RMDN1: variants seen among roughly 807,000 people sequenced by gnomAD.
RMDN1 encodes regulator of microtubule dynamics 1.
In RMDN1, 48 loss-of-function variants were observed where a neutral mutation model predicts 48.9. That is an observed-to-expected ratio of 0.98 (90% CI 0.78 to 1.25). The LOEUF (loss-of-function observed/expected upper bound fraction) is 1.25, where lower values mean the gene tolerates loss of function less well. Ranked by LOEUF, RMDN1 falls within the 50% of genes most tolerant of loss-of-function variation. The pLI, the probability that RMDN1 is intolerant of heterozygous loss-of-function variation, is 0.00. For synonymous variants in RMDN1, 148 were observed against 132.6 expected, an observed-to-expected ratio of 1.12 and a Z score of -0.80; for missense variants, 418 against 373.4, an observed-to-expected ratio of 1.12 and a Z score of -0.98.
chr8:86,477,901 A>G (rs909686592), intron 7 of RMDN1, among the ~76,000 whole-genome samples: 2 of 151,996 alleles, frequency 1.3e-5, no homozygotes, highest in Admixed American at 6.6e-5. Context: ...AAAAAAAAAA[A>G]AAAAGAACCA....
chr8:86,504,600 T>C (rs975996882), intron 2 of RMDN1: 1 of 984,884 alleles, frequency 1.0e-6, no homozygotes, highest in East Asian at 2.4e-5. Context: ...TGATAGGCCT[T>C]GGAGGGATGG....
chr8:86,493,608 A>G (rs572286065), intron 2 of RMDN1, among the ~76,000 whole-genome samples: 1 of 152,332 alleles, frequency 6.6e-6, no homozygotes, highest in East Asian at 1.9e-4. Context: ...AAAGACAAAT[A>G]TAGGTTGAAC....
upstream of RMDN1, among the ~76,000 whole-genome samples, chr8:86,511,399 A>G (rs150125188): frequency 0.018 from 2,670 of 151,980 alleles, 84 homozygotes; most frequent in African/African-American, 0.061. Context: ...GCGTGAACCC[A>G]GGAAGTGGAG....
At chr8:86,489,304 TAATTTATATATGACTACAAAATACATA>T (rs1201434125) in intron 2 of RMDN1, among the ~76,000 whole-genome samples, 1 of 152,228 alleles carries the variant, frequency 6.6e-6, no homozygotes, top group Non-Finnish European at 1.5e-5. Context: ...CTCTTAAAAC[TAATTTATATATGACTACAAAATACATA>T]AACATTATTG....
chr8:86,495,710 C>G (rs1383212842), intron 2 of RMDN1, among the ~76,000 whole-genome samples: 4 of 152,140 alleles, frequency 2.6e-5, no homozygotes, highest in African/African-American at 9.7e-5. Flanking sequence ...ACTTTTGAAG[C>G]TGGACCCCCA....
intron 5 of RMDN1, chr8:86,482,463 A>G (rs1274676448): frequency 1.8e-6 from 1 of 543,392 alleles, no homozygotes; most frequent in Non-Finnish European, 3.4e-6. Flanking sequence ...GCAATGCCAT[A>G]TATTATTAGA....
intron 2 of RMDN1, among the ~76,000 whole-genome samples, chr8:86,502,272 C>T (rs1041345708): frequency 3.3e-5 from 5 of 151,952 alleles, no homozygotes; most frequent in South Asian, 2.1e-4. Context: ...GGTCTTGCTC[C>T]GTTGCCTAGG....
At chr8:86,499,501 A>G (rs551350906) in intron 2 of RMDN1, among the ~76,000 whole-genome samples, 1 of 152,326 alleles carries the variant, frequency 6.6e-6, no homozygotes, top group South Asian at 2.1e-4. Context: ...TTAGGAATAC[A>G]GTTAGATGTT....
chr8:86,500,444 C>T (rs1367083019), intron 2 of RMDN1, among the ~76,000 whole-genome samples: 1 of 151,676 alleles, frequency 6.6e-6, no homozygotes, highest in Admixed American at 6.6e-5. Context: ...ATCACTATCA[C>T]CACAGAAATG....
At chr8:86,503,371 C>CAAAAAAAAAAAAA (rs1182231210) in intron 2 of RMDN1, among the ~76,000 whole-genome samples, 6 of 67,988 alleles carry the variant, frequency 8.8e-5, no homozygotes, top group Non-Finnish European at 1.3e-4. Context: ...CAAAACAAAA[C>CAAAAAAAAAAAAA]AAAAAAAAAA....
chr8:86,478,992 T>A lies in RMDN1; in HGVS notation c.660A>T (p.Glu220Asp). The change falls in exon 7 of 10, where the codon GAA becomes GAT. Residue 220 changes from glutamate to aspartate, a missense_variant. Physicochemically the swap from Glu to Asp is conservative, Grantham distance 45. Transcript: ENST00000406452. ...LMGIWCYTFA[E>D]MPWYQRRIAK... ...CAATTCTTCTTTGATACCAAGGCAT[T>A]TCGGCAAATGTATAGCACCTACAGG... is the stretch of plus-strand genomic sequence containing the variant. 6.2e-7 allele frequency: 1 copy of A among 1,613,788 alleles called. No homozygotes were observed. Among genetic ancestry groups the A allele is most frequent in the Non-Finnish European group, 8.5e-7 (1 of 1,179,720 alleles).
At chr8:86,468,413 A>G (rs1277518040), downstream of RMDN1, 6 of 449,148 alleles carry the variant, frequency 1.3e-5, no homozygotes, top group East Asian at 3.5e-4. Flanking sequence ...ACACTCTGGT[A>G]ATTTTCAAGC....
Position 86,487,500 on chromosome 8 carries a change from A to G in RMDN1, c.336-857T>C, listed in dbSNP as rs1004582513. 3.3e-5 allele frequency among the ~76,000 whole-genome samples: 5 copies of G among 152,164 alleles called. No homozygotes were observed. The East Asian group carries it at 9.6e-4, about 29-fold the overall frequency. On this transcript the variant is annotated intron_variant, in intron 3 of 9. Transcript: ENST00000406452. Reference sequence around the variant, plus strand: ...CTACTCGGGAGGCTGAGCCAGAAGAATCGCTTGAACCTGGAGGGTAGAGGT... The same window carrying G: ...CTACTCGGGAGGCTGAGCCAGAAGAGTCGCTTGAACCTGGAGGGTAGAGGT...
chr8:86,495,543 G>A (rs912285729), intron 2 of RMDN1, among the ~76,000 whole-genome samples: 1 of 152,130 alleles, frequency 6.6e-6, no homozygotes, highest in African/African-American at 2.4e-5. Flanking sequence ...CATGGAGAGA[G>A]CAGGGCTGTC....
At chr8:86,479,930 CTG>C (rs1444373449) in intron 6 of RMDN1, among the ~76,000 whole-genome samples, 1 of 152,108 alleles carries the variant, frequency 6.6e-6, no homozygotes, top group African/African-American at 2.4e-5. Context: ...TTAATCAAGA[CTG>C]TATCTGACAC....
intron 4 of RMDN1, 136 bp downstream of exon 4, chr8:86,486,348 A>G: frequency 2.1e-6 from 1 of 485,462 alleles, no homozygotes; most frequent in Non-Finnish European, 3.3e-6. Context: ...AATTATCCTT[A>G]AGATATAAGA....
At chr8:86,482,538 G>T in intron 5 of RMDN1, 1 of 717,794 alleles carries the variant, frequency 1.4e-6, no homozygotes, top group South Asian at 1.4e-5. Context: ...ATCACTAAGT[G>T]AATGTCATCT....
At chr8:86,468,771 A>C, downstream of RMDN1, 1 of 452,890 alleles carries the variant, frequency 2.2e-6, no homozygotes, top group Non-Finnish European at 4.4e-6. Context: ...TTTCATACCC[A>C]ATTATAGATA....
rs899761801 is a variant in RMDN1 at position 86,508,586 on chromosome 8, G to A, written c.35C>T (p.Pro12Leu). Residue 12 changes from proline (P) to leucine (L), a missense_variant, in exon 1 of 10, where the codon CCT (proline) becomes CTT (leucine). Physicochemically the swap from Pro to Leu is moderately conservative, Grantham distance 98. Transcript: ENST00000406452. ...CCCCGGGGCGGCTCCACGTCGGAAAGGCAGAAGGCGCCACAGTCGAGCAGC... is the reference window on the plus strand; with the variant it reads ...CCCCGGGGCGGCTCCACGTCGGAAAAGCAGAAGGCGCCACAGTCGAGCAGC... ...ALAARLWRLL[P>L]FRRGAAPGSR... 3 of 1,605,222 alleles carry A rather than the reference G, an allele frequency of 1.9e-6. No homozygotes were observed. The highest frequency in any genetic ancestry group is 2.2e-5 in the South Asian group (2 of 90,354).
Sources: allele counts gnomAD v4.1 joint callset (sites outside exome capture counted in the v4.1 genomes callset), GRCh38; gene constraint gnomAD v4.1.1; transcripts MANE v1.5; gene names NCBI Gene and HGNC (gene_info 2026-07-23, HGNC 2026-07-21).